Variants in CD44 observed in about 807,000 individuals in gnomAD.
CD44 encodes the protein CD44 antigen.
CD44 carries 49 observed loss-of-function variants against 88.8 expected under a neutral mutation model. The ratio of observed to expected loss-of-function variants is 0.55; its 90% CI spans 0.44 to 0.70. The LOEUF is 0.70. CD44 is among the 30% of genes least tolerant of loss of function. CD44 has a pLI of 0.00. For synonymous variants in CD44, 325 were observed against 312.3 expected (o/e 1.04, Z -0.43); for missense variants, 883 against 913.8 (o/e 0.97, Z 0.43).
At chr11:35,223,564 T>C (rs754991161) in intron 17 of CD44, among the ~76,000 whole-genome samples, 4 of 152,090 alleles carry the variant, frequency 2.6e-5, no homozygotes, top group Admixed American at 6.5e-5. Context: ...AGGGGCCTCA[T>C]TGCTGCCCTC....
At chr11:35,157,139 C>A (rs1231719486) in intron 1 of CD44, among the ~76,000 whole-genome samples, 4 of 152,232 alleles carry the variant, frequency 2.6e-5, no homozygotes, top group Non-Finnish European at 4.4e-5. Flanking sequence ...CTTTTCCTAG[C>A]ACAGTGCCCA....
At position 35,198,152 on chromosome 11, in the gene CD44, G is replaced by C; in HGVS notation, c.828G>C (p.Trp276Cys). The C allele has an allele frequency of 6.2e-7, 1 of 1,613,858 alleles. No homozygotes were observed. Among genetic ancestry groups the C allele is most frequent in the Non-Finnish European group, 8.5e-7 (1 of 1,179,828 alleles). Reference protein sequence around the residue: ...GTSSNTISAGWEPNEENEDER... With the variant: ...GTSSNTISAGCEPNEENEDER... ...CTTCAAATACCATCTCAGCAGGCTG[G>C]GAGCCAAATGAAGAAAATGAAGATG... The change falls in exon 7 of 18, where the codon TGG becomes TGC. Residue 276 changes from tryptophan (W) to cysteine (C), a missense_variant. Transcript: ENST00000428726.
At position 35,201,118 on chromosome 11, in the gene CD44, A is replaced by G. The variant is rs1565121293; in HGVS notation, c.959A>G (p.Gln320Arg). ...TTPRAFDHTKQNQDWTQWNPS... is the reference protein window; with the variant it reads ...TTPRAFDHTKRNQDWTQWNPS... ...CCACGGGCTTTTGACCACACAAAAC[A>G]GAACCAGGACTGGACCCAGTGGAAC... is the stretch of plus-strand genomic sequence containing the variant. Residue 320 changes from glutamine (Q) to arginine (R), a missense_variant, in exon 8 of 18, where the codon CAG becomes CGG. Transcript: ENST00000428726. 6.2e-7 allele frequency: 1 copy of G among 1,614,052 alleles called. No homozygotes were observed. Among genetic ancestry groups the G allele is most frequent in the African/African-American group, 1.3e-5 (1 of 74,944 alleles).
At chr11:35,187,118 C>T (rs1332562894) in intron 4 of CD44, among the ~76,000 whole-genome samples, 1 of 151,804 alleles carries the variant, frequency 6.6e-6, no homozygotes, top group African/African-American at 2.4e-5. Flanking sequence ...ACTAAAAATA[C>T]AAAAAATTAG....
At chr11:35,157,880 C>T (rs1394606265) in intron 1 of CD44, among the ~76,000 whole-genome samples, 1 of 152,192 alleles carries the variant, frequency 6.6e-6, no homozygotes, top group Non-Finnish European at 1.5e-5. Flanking sequence ...CAGGCTACTT[C>T]TTGCTGGGGC....
chr11:35,189,849 G>C lies in CD44; in HGVS notation c.451G>C (p.Asp151His). Reference protein sequence around the residue: ...GPITITIVNRDGTRYVQKGEY... With the variant: ...GPITITIVNRHGTRYVQKGEY... The stretch of plus-strand genomic sequence containing the variant: ...CTCTCTCCCAGCTATTGTTAACCGT[G>C]ATGGCACCCGCTATGTCCAGAAAGG... The change falls in exon 5 of 18, where the codon GAT becomes CAT. Residue 151 changes from aspartate (D) to histidine (H), a missense_variant. Physicochemically the swap from Asp to His is moderately conservative, Grantham distance 81 (BLOSUM62 -1). Transcript: ENST00000428726. The C allele has an allele frequency of 6.2e-7, 1 of 1,613,328 alleles. No individual in the cohort carries two copies. The highest frequency in any genetic ancestry group is 8.5e-7 in the Non-Finnish European group (1 of 1,179,476).
rs561559574 is a variant in CD44 at position 35,167,019 on chromosome 11, G to T, written c.68-9556G>T. On this transcript the variant is annotated intron_variant, in intron 1 of 17. Coordinates refer to ENST00000428726, the MANE Select transcript of CD44 (RefSeq NM_000610.4). ...AGTGATGTGCCAGCCTTCTAGACTG[G>T]CAGGCCTGGGGGGCAGCAGAGGGCA... Among the ~76,000 whole-genome samples, 30 of 152,328 alleles carry T rather than the reference G, an allele frequency of 2.0e-4. No individual in the cohort carries two copies. In the South Asian group the frequency reaches 5.6e-3, roughly 28 times the overall value.
At chr11:35,178,436 C>T (rs1333025951) in intron 2 of CD44, among the ~76,000 whole-genome samples, 2 of 152,208 alleles carry the variant, frequency 1.3e-5, no homozygotes, top group Non-Finnish European at 2.9e-5. Context: ...AGCGAATTTG[C>T]ACACACAGCC....
chr11:35,223,078 G>A (rs1949434190), intron 17 of CD44: 4 of 985,108 alleles, frequency 4.1e-6, no homozygotes, highest in Non-Finnish European at 1.2e-6. Flanking sequence ...CAGTCAAACA[G>A]CTATGTTGCT....
intron 1 of CD44, among the ~76,000 whole-genome samples, chr11:35,173,310 G>A (rs908836526): frequency 2.0e-5 from 3 of 152,198 alleles, no homozygotes; most frequent in East Asian, 3.8e-4. Context: ...ACAAGGAGAG[G>A]CCCCGGAAGG....
intron 2 of CD44, among the ~76,000 whole-genome samples, chr11:35,179,803 T>G (rs963131820): frequency 6.6e-6 from 1 of 152,138 alleles, no homozygotes; most frequent in Non-Finnish European, 1.5e-5. Context: ...GAATGGGACA[T>G]GAGGCAGGTC....
intron 3 of CD44, among the ~76,000 whole-genome samples, chr11:35,181,872 T>A (rs1292366312): frequency 1.2e-5 from 1 of 84,570 alleles, no homozygotes; most frequent in Non-Finnish European, 2.1e-5. Flanking sequence ...TATATATATA[T>A]ATTATATATA....
intron 1 of CD44, among the ~76,000 whole-genome samples, chr11:35,158,619 T>A (rs1178302663): frequency 6.6e-6 from 1 of 152,210 alleles, no homozygotes; most frequent in Non-Finnish European, 1.5e-5. Context: ...CATTCACCAT[T>A]TGCCCCAACT....
At chr11:35,145,730 T>C (rs1460414704) in intron 1 of CD44, among the ~76,000 whole-genome samples, 1 of 152,190 alleles carries the variant, frequency 6.6e-6, no homozygotes, top group Non-Finnish European at 1.5e-5. Context: ...CCAACCCCCA[T>C]GTCTGCTTCT....
chr11:35,195,496 C>A (rs2133961835), intron 5 of CD44, among the ~76,000 whole-genome samples: 1 of 151,894 alleles, frequency 6.6e-6, no homozygotes, highest in East Asian at 1.9e-4. Context: ...CTTCATAGGA[C>A]AAAGAATGTG....
chr11:35,212,412 T>C (rs1948478510), intron 14 of CD44: 1 of 152,176 alleles, frequency 6.6e-6, no homozygotes, highest in South Asian at 2.1e-4. Flanking sequence ...ATTTTTTTTT[T>C]TGAGACGGAG....
At chr11:35,223,752 G>A (rs192444775) in intron 17 of CD44, among the ~76,000 whole-genome samples, 19 of 152,260 alleles carry the variant, frequency 1.2e-4, no homozygotes, top group African/African-American at 3.9e-4. Flanking sequence ...ACAGCTGTAC[G>A]GGCCCCTTAA....
chr11:35,229,280 A>T lies in CD44; in HGVS notation c.2176A>T (p.Thr726Ser), dbSNP rs775588163. 6.2e-7 allele frequency: 1 copy of T among 1,613,874 alleles called. No individual in the cohort carries two copies. The highest frequency in any genetic ancestry group is 1.3e-5 in the African/African-American group (1 of 74,928). Residue 726 changes from threonine (T) to serine (S), a missense_variant, in exon 18 of 18, where the codon ACA (threonine) becomes TCA (serine). Thr to Ser is a moderately conservative substitution (Grantham distance 58). Coordinates refer to ENST00000428726, the MANE Select transcript of CD44 (RefSeq NM_000610.4). ...ESSETPDQFM[T>S]ADETRNLQNV... Reference sequence around the variant, plus strand: ...GTCAGAAACTCCAGACCAGTTTATGACAGCTGATGAGACAAGGAACCTGCA... The same window carrying T: ...GTCAGAAACTCCAGACCAGTTTATGTCAGCTGATGAGACAAGGAACCTGCA...
chr11:35,229,392 C>A lies in CD44; in HGVS notation c.*59C>A. On this transcript the variant is annotated 3_prime_UTR_variant, in exon 18 of 18. Coordinates refer to ENST00000428726, the MANE Select transcript of CD44 (RefSeq NM_000610.4). ...TTGGAAACATAACCATTACAGGGAGCTGGGACACTTAACAGATGCAATGTG... is the reference window on the plus strand; with the variant it reads ...TTGGAAACATAACCATTACAGGGAGATGGGACACTTAACAGATGCAATGTG... The A allele has an allele frequency of 9.3e-7, 1 of 1,072,660 alleles. No individual in the cohort carries two copies. The highest frequency in any genetic ancestry group is 1.4e-6 in the Non-Finnish European group (1 of 706,364). 66.4% of individuals were successfully genotyped at this position (1,072,660 alleles called of 1,614,324 possible). A position where few individuals can be genotyped will look rare whatever the true frequency, so the allele number is the denominator to read the frequency against.
Sources: gnomAD v4.1 joint callset for allele counts (sites outside exome capture counted in the v4.1 genomes callset) on GRCh38, gnomAD v4.1.1 for gene constraint, MANE v1.5 for transcripts, NCBI Gene and HGNC (gene_info 2026-07-23, HGNC 2026-07-21) for gene names.